SEMA3E: variants seen among roughly 807,000 people sequenced by gnomAD.
SEMA3E encodes the protein semaphorin-3E.
Under a neutral mutation model 93.6 loss-of-function variants are expected in SEMA3E, and 49 were observed. The observed-to-expected ratio is 0.52, with a 90% confidence interval of 0.42 to 0.66. The LOEUF (loss-of-function observed/expected upper bound fraction) is 0.66. Ranked by LOEUF, SEMA3E falls within the 30% of genes least tolerant of loss-of-function variation. The pLI, the probability that SEMA3E is intolerant of heterozygous loss-of-function variation, is 0.00. For synonymous variants in SEMA3E, 363 were observed against 330.7 expected, an observed-to-expected ratio of 1.10 and a Z score of -1.06; for missense variants, 906 against 964.8, an observed-to-expected ratio of 0.94 and a Z score of 0.81.
At chr7:83,592,747 A>G (rs1792780318) in intron 1 of SEMA3E, among the ~76,000 whole-genome samples, 1 of 152,152 alleles carries the variant, frequency 6.6e-6, no homozygotes, top group Admixed American at 6.6e-5. Flanking sequence ...GCAAACTAAG[A>G]TAAAAGGAGT....
intron 1 of SEMA3E, among the ~76,000 whole-genome samples, chr7:83,523,555 T>C (rs1010461653): frequency 4.6e-5 from 7 of 152,244 alleles, no homozygotes; most frequent in African/African-American, 1.7e-4. Context: ...CTTTTCTCTC[T>C]CAGTGGCATG....
At chr7:83,601,770 T>G (rs13225418) in intron 1 of SEMA3E, among the ~76,000 whole-genome samples, 1 of 152,182 alleles carries the variant, frequency 6.6e-6, no homozygotes, top group Non-Finnish European at 1.5e-5. Context: ...GAGATCTTAA[T>G]GTACTGTCAG....
intron 1 of SEMA3E, among the ~76,000 whole-genome samples, chr7:83,492,726 G>A (rs996028207): frequency 7.5e-6 from 1 of 132,570 alleles, no homozygotes; most frequent in African/African-American, 2.6e-5. Flanking sequence ...ATATATATAT[G>A]TACACACACA....
intron 1 of SEMA3E, among the ~76,000 whole-genome samples, chr7:83,591,762 A>G (rs1321501823): frequency 6.6e-6 from 1 of 152,076 alleles, no homozygotes; most frequent in African/African-American, 2.4e-5. Context: ...GTTTTTGAAA[A>G]TCATCAAATA....
At chr7:83,432,421 G>T (rs1316767433) in intron 4 of SEMA3E, among the ~76,000 whole-genome samples, 1 of 152,090 alleles carries the variant, frequency 6.6e-6, no homozygotes, top group Non-Finnish European at 1.5e-5. Context: ...AATAACGTCT[G>T]GGAGTGAAAG....
At chr7:83,606,764 AAAAAAAAAAAATT>A in intron 1 of SEMA3E, among the ~76,000 whole-genome samples, 1 of 49,028 alleles carries the variant, frequency 2.0e-5, no homozygotes, top group South Asian at 1.0e-3. Context: ...AAGTATAATA[AAAAAAAAAAAATT>A]AAAAAAAAAA....
chr7:83,459,804 C>T (rs1229114119), intron 4 of SEMA3E, among the ~76,000 whole-genome samples: 1 of 152,102 alleles, frequency 6.6e-6, no homozygotes, highest in Non-Finnish European at 1.5e-5. Flanking sequence ...GACATTCCAC[C>T]ACAAAAGAAG....
chr7:83,459,208 A>G (rs552171065), intron 4 of SEMA3E, among the ~76,000 whole-genome samples: 1 of 152,068 alleles, frequency 6.6e-6, no homozygotes, highest in Non-Finnish European at 1.5e-5. Flanking sequence ...AAGATAAAGC[A>G]ATTTTAAAAG....
chr7:83,604,057 C>T lies in SEMA3E; in HGVS notation c.115+44371G>A, dbSNP rs144590414. 5.6e-3 allele frequency among the ~76,000 whole-genome samples: 845 copies of T among 152,174 alleles called. 5 individuals are homozygous for T. The highest frequency in any genetic ancestry group is 0.012 in the South Asian group (57 of 4,828). ...GATTCATATCCCTAATTGCATGGTT[C>T]TCTTAATGAACTTGACTATAACCAC... On this transcript the variant is annotated intron_variant, in intron 1 of 16. Transcript: ENST00000643230.
chr7:83,429,729 C>T (rs1788844199), intron 4 of SEMA3E, among the ~76,000 whole-genome samples: 1 of 151,124 alleles, frequency 6.6e-6, no homozygotes, highest in Admixed American at 6.6e-5. Context: ...CCAATCCACA[C>T]TCCTGCACAA....
At position 83,470,862 on chromosome 7, in the gene SEMA3E, CTTTTTTT is replaced by C. The variant is rs60392556; in HGVS notation, c.277-1567_277-1561del. Reference sequence around the variant, plus strand: ...TTAAGGTGTGGTTCCCCCACATTTTCTTTTTTTTTTTTTTTTGGATCTTAAAGTGGAA... The same window carrying C: ...TTAAGGTGTGGTTCCCCCACATTTTCTTTTTTTTTGGATCTTAAAGTGGAA... On this transcript the variant is annotated intron_variant, in intron 2 of 16. Coordinates refer to ENST00000643230, the MANE Select transcript of SEMA3E (RefSeq NM_012431.3). Among the ~76,000 whole-genome samples, 659 of 139,942 alleles carry C rather than the reference CTTTTTTT, an allele frequency of 4.7e-3. 7 individuals carry two copies. The highest frequency in any genetic ancestry group is 0.016 in the African/African-American group (598 of 38,138). 91.8% of individuals were successfully genotyped at this position (139,942 alleles called of 152,430 possible). A position where few individuals can be genotyped will look rare whatever the true frequency, so the allele number is the denominator to read the frequency against.
chr7:83,551,993 A>C (rs902667523), intron 1 of SEMA3E, among the ~76,000 whole-genome samples: 1 of 152,190 alleles, frequency 6.6e-6, no homozygotes, highest in African/African-American at 2.4e-5. Flanking sequence ...AATTGTCACA[A>C]TGTCTTTGTA....
chr7:83,446,665 CAT>C (rs1024426776), intron 4 of SEMA3E, among the ~76,000 whole-genome samples: 59 of 152,298 alleles, frequency 3.9e-4, no homozygotes, highest in African/African-American at 1.2e-3. Context: ...CGTGACCCTT[CAT>C]AGTTTTACAA....
intron 2 of SEMA3E, among the ~76,000 whole-genome samples, chr7:83,485,730 G>A (rs917777278): frequency 6.6e-5 from 10 of 151,892 alleles, no homozygotes; most frequent in African/African-American, 2.4e-4. Flanking sequence ...AGGGTAGTAG[G>A]TAGTAATTGC....
At chr7:83,387,139 ATTCTG>A in intron 14 of SEMA3E, 89 bp from the exon 15 acceptor site, 1 of 1,016,632 alleles carries the variant, frequency 9.8e-7, no homozygotes, top group Non-Finnish European at 1.5e-6. Flanking sequence ...TACAAGTAGT[ATTCTG>A]CTACTGAAAA....
intron 1 of SEMA3E, among the ~76,000 whole-genome samples, chr7:83,624,924 G>A (rs1204342317): frequency 1.3e-5 from 2 of 152,164 alleles, no homozygotes; most frequent in Non-Finnish European, 2.9e-5. Flanking sequence ...AAAGGATCCA[G>A]TTTCAGTTCT....
intron 4 of SEMA3E, among the ~76,000 whole-genome samples, chr7:83,427,810 T>C (rs12112469): frequency 0.2 from 30,092 of 152,168 alleles, 3,443 homozygotes; most frequent in Middle Eastern, 0.33. Flanking sequence ...CAATCGCCTT[T>C]ATGGTTCAAG....
At chr7:83,478,832 C>G (rs184016339) in intron 2 of SEMA3E, among the ~76,000 whole-genome samples, 39 of 152,332 alleles carry the variant, frequency 2.6e-4, no homozygotes, top group Non-Finnish European at 4.7e-4. Context: ...GGAAGTTGAT[C>G]TCAAAGCAAT....
chr7:83,448,819 C>T (rs1046643344), intron 4 of SEMA3E, among the ~76,000 whole-genome samples: 3 of 152,044 alleles, frequency 2.0e-5, no homozygotes, highest in African/African-American at 7.2e-5. Context: ...AAGTGATGAA[C>T]TAGGATAACA....
Sources: allele counts gnomAD v4.1 joint callset (sites outside exome capture counted in the v4.1 genomes callset), GRCh38; gene constraint gnomAD v4.1.1; transcripts MANE v1.5; gene names NCBI Gene and HGNC (gene_info 2026-07-23, HGNC 2026-07-21).